The following PDE4D variants were observed in gnomAD, a reference collection of about 807,000 sequenced individuals.
The protein encoded by PDE4D is phosphodiesterase 4D, also known as 3',5'-cyclic-AMP phosphodiesterase 4D.
A neutral mutation model predicts 87.4 loss-of-function variants in PDE4D; 24 were observed. That is an observed-to-expected ratio of 0.27 (90% CI 0.20 to 0.39). PDE4D has a LOEUF of 0.39. PDE4D is among the 10% of genes least tolerant of loss of function. PDE4D has a pLI of 1.00. For missense variants in PDE4D, 714 were observed against 1,041.0 expected, an observed-to-expected ratio of 0.69 and a Z score of 4.32; for synonymous variants, 384 against 383.2, an observed-to-expected ratio of 1.00 and a Z score of -0.02.
At chr5:59,907,713 T>C (rs1312425034) in intron 3 of PDE4D, among the ~76,000 whole-genome samples, 1 of 152,176 alleles carries the variant, frequency 6.6e-6, no homozygotes, top group African/African-American at 2.4e-5. Flanking sequence ...AAATGAGTAT[T>C]AATGTAGCAA....
chr5:59,464,278 T>C (rs1273175636), intron 1 of PDE4D, among the ~76,000 whole-genome samples: 1 of 152,182 alleles, frequency 6.6e-6, no homozygotes, highest in African/African-American at 2.4e-5. Context: ...GAGGAAGGCA[T>C]CTGTCTCCTG....
chr5:59,874,487 AGAG>A (rs1363068592), intron 1 of PDE4D, among the ~76,000 whole-genome samples: 1 of 152,204 alleles, frequency 6.6e-6, no homozygotes, highest in East Asian at 1.9e-4. Flanking sequence ...TGTAGATAAT[AGAG>A]TTATAACTCA....
intron 2 of PDE4D, among the ~76,000 whole-genome samples, chr5:60,006,272 A>T (rs988214023): frequency 3.3e-5 from 5 of 151,030 alleles, no homozygotes; most frequent in African/African-American, 1.2e-4. Context: ...TTTTGCCATT[A>T]AATGGCAAAA....
At chr5:59,586,774 A>C (rs555430916) in intron 1 of PDE4D, 43 of 985,450 alleles carry the variant, frequency 4.4e-5, no homozygotes, top group Admixed American at 6.1e-5. Flanking sequence ...AAAGGAGTCA[A>C]AAGACAGTTT....
chr5:60,271,534 T>A (rs192265752), intron 1 of PDE4D, among the ~76,000 whole-genome samples: 1 of 152,292 alleles, frequency 6.6e-6, no homozygotes, highest in East Asian at 1.9e-4. Flanking sequence ...AGAGGAAAAT[T>A]GACTGGTTAC....
chr5:59,639,419 T>C (rs1209095482), intron 1 of PDE4D, among the ~76,000 whole-genome samples: 16 of 150,028 alleles, frequency 1.1e-4, no homozygotes, highest in Non-Finnish European at 2.9e-5. Context: ...GAGAAAAGAC[T>C]AAAAGACTAA....
Position 59,604,331 on chromosome 5 carries a change from A to C in PDE4D, c.455+288837T>G, listed in dbSNP as rs570838218. ...ATAGATTAAATCATGTAGCACATGC[A>C]AGTACTCAATGCATAGTTGTTTCCC... is the stretch of plus-strand genomic sequence containing the variant. On this transcript the variant is annotated intron_variant, in intron 1 of 14. Transcript: ENST00000340635. 3.9e-5 allele frequency among the ~76,000 whole-genome samples: 6 copies of C among 152,168 alleles called. No individual in the cohort carries two copies. In the East Asian group the frequency reaches 9.6e-4, roughly 24 times the overall value.
chr5:59,626,735 T>C (rs544978450), intron 1 of PDE4D, among the ~76,000 whole-genome samples: 27 of 152,314 alleles, frequency 1.8e-4, no homozygotes, highest in Non-Finnish European at 3.7e-4. Context: ...AGTATGAGAA[T>C]AGAGTCAATA....
intron 1 of PDE4D, among the ~76,000 whole-genome samples, chr5:59,273,565 AT>A (rs141416670): frequency 0.031 from 4,770 of 152,170 alleles, 266 homozygotes; most frequent in African/African-American, 0.11. Flanking sequence ...CGGTTATATT[AT>A]TAAGTCAGAT....
intron 6 of PDE4D, chr5:58,999,345 C>G: frequency 3.1e-6 from 1 of 325,238 alleles, no homozygotes; most frequent in Non-Finnish European, 5.5e-6. Context: ...TTATCTTGAC[C>G]ACTATTAACA....
At chr5:59,458,109 C>T (rs1800203457) in intron 1 of PDE4D, among the ~76,000 whole-genome samples, 1 of 152,188 alleles carries the variant, frequency 6.6e-6, no homozygotes, top group Non-Finnish European at 1.5e-5. Context: ...TTAAAAAGAA[C>T]ACTCAGCCAT....
intron 2 of PDE4D, among the ~76,000 whole-genome samples, chr5:60,155,351 T>A (rs1781875371): frequency 6.6e-6 from 1 of 152,190 alleles, no homozygotes; most frequent in Admixed American, 6.5e-5. Context: ...ATTGAGCCCC[T>A]TTTTATATGC....
intron 1 of PDE4D, among the ~76,000 whole-genome samples, chr5:60,375,222 T>C (rs1583565610): frequency 6.6e-6 from 1 of 152,230 alleles, no homozygotes; most frequent in African/African-American, 2.4e-5. Flanking sequence ...GGGTAAATTT[T>C]TGTTTACCCT....
chr5:60,098,118 C>T (rs890660543), intron 2 of PDE4D, among the ~76,000 whole-genome samples: 2 of 152,034 alleles, frequency 1.3e-5, no homozygotes, highest in African/African-American at 2.4e-5. Context: ...TTGACTTCCA[C>T]TTACTCTTTG....
rs189961305 is a variant in PDE4D, at chr5:59,360,258, C to T, written c.456-144290G>A. ...CTAGTTAACAGGCATACGGAAGAGA[C>T]GAGGGTTGAGCTGAACTTCAGAGAA... On this transcript the variant is annotated intron_variant, in intron 1 of 14. Coordinates refer to ENST00000340635, the MANE Select transcript of PDE4D (RefSeq NM_001104631.2). 5.3e-5 allele frequency among the ~76,000 whole-genome samples: 8 copies of T among 152,206 alleles called. No individual in the cohort carries two copies. In the East Asian group the frequency reaches 7.7e-4, roughly 15 times the overall value.
At chr5:58,993,321 A>G in intron 7 of PDE4D, 51 bp downstream of exon 7, 1 of 1,098,862 alleles carries the variant, frequency 9.1e-7, no homozygotes, top group Non-Finnish European at 1.3e-6. Context: ...TACAAAAACA[A>G]ACAAGCAAAC....
chr5:59,787,188 A>AGAT (rs1765268835), intron 1 of PDE4D, among the ~76,000 whole-genome samples: 1 of 152,208 alleles, frequency 6.6e-6, no homozygotes, highest in Non-Finnish European at 1.5e-5. Context: ...ATTTCATGGT[A>AGAT]GATAATCTGC....
At chr5:60,223,746 G>A (rs1246558353) in intron 1 of PDE4D, among the ~76,000 whole-genome samples, 1 of 152,020 alleles carries the variant, frequency 6.6e-6, no homozygotes, top group Non-Finnish European at 1.5e-5. Context: ...TAATTACTAT[G>A]GTAGATATTG....
At chr5:59,404,693 G>T (rs1300211231) in intron 1 of PDE4D, among the ~76,000 whole-genome samples, 1 of 148,452 alleles carries the variant, frequency 6.7e-6, no homozygotes, top group African/African-American at 2.5e-5. Context: ...CTTTGCTCAG[G>T]CCAATGTCCT....
Sources: allele counts gnomAD v4.1 joint callset (sites outside exome capture counted in the v4.1 genomes callset), GRCh38; gene constraint gnomAD v4.1.1; transcripts MANE v1.5; gene names NCBI Gene and HGNC (gene_info 2026-07-23, HGNC 2026-07-21).